Variants in PRKCH observed in about 807,000 individuals in gnomAD.
PRKCH encodes protein kinase C eta.
A neutral mutation model predicts 82.5 loss-of-function variants in PRKCH; 28 were observed. The ratio of observed to expected loss-of-function variants is 0.34; its 90% CI spans 0.25 to 0.47. The LOEUF is 0.47. PRKCH is among the 20% of genes least tolerant of loss of function. The probability of loss-of-function intolerance (pLI) is 1.00; values close to 1 mark genes in which losing one functional copy is unlikely to be tolerated. For missense variants in PRKCH, 705 were observed against 881.8 expected (o/e 0.80, Z 2.54); for synonymous variants, 322 against 327.4 (o/e 0.98, Z 0.18).
chr14:61,225,900 C>T (rs112113458), intron 1 of PRKCH, among the ~76,000 whole-genome samples: 5,697 of 152,110 alleles, frequency 0.037, 179 homozygotes, highest in African/African-American at 0.08. Flanking sequence ...CACCAACACT[C>T]GGCTAATTTT....
At chr14:61,544,375 C>T (rs1488898685) in intron 12 of PRKCH, 1 of 152,122 alleles carries the variant, frequency 6.6e-6, no homozygotes, top group Non-Finnish European at 1.5e-5. Flanking sequence ...CATTTCCTAG[C>T]GTTTAAATAT....
At chr14:61,367,277 C>G (rs1399251387) in intron 1 of PRKCH, among the ~76,000 whole-genome samples, 9 of 151,952 alleles carry the variant, frequency 5.9e-5, no homozygotes, top group Admixed American at 5.2e-4. Context: ...ATCTAAATGC[C>G]TGACTCAATG....
intron 10 of PRKCH, among the ~76,000 whole-genome samples, chr14:61,501,732 T>A (rs1468320965): frequency 6.6e-6 from 1 of 152,192 alleles, no homozygotes; most frequent in East Asian, 1.9e-4. Flanking sequence ...AGTGTCACTT[T>A]AATTTAATTT....
At chr14:61,400,550 G>GT (rs1045234167) in intron 2 of PRKCH, among the ~76,000 whole-genome samples, 1 of 152,104 alleles carries the variant, frequency 6.6e-6, no homozygotes, top group Non-Finnish European at 1.5e-5. Flanking sequence ...GGCGAATGAT[G>GT]TTTTTAAAGG....
intron 10 of PRKCH, among the ~76,000 whole-genome samples, chr14:61,515,648 C>T (rs144344782): frequency 4.6e-5 from 7 of 152,290 alleles, no homozygotes; most frequent in Admixed American, 2.6e-4. Context: ...GACCATGTCA[C>T]TGTATGACCC....
At chr14:61,399,924 AC>A (rs1373975264) in intron 2 of PRKCH, among the ~76,000 whole-genome samples, 1 of 152,150 alleles carries the variant, frequency 6.6e-6, no homozygotes, top group East Asian at 1.9e-4. Flanking sequence ...TTCTGCTAAA[AC>A]CTTGAATTGT....
intron 2 of PRKCH, among the ~76,000 whole-genome samples, chr14:61,430,640 G>A (rs1268354815): frequency 1.3e-5 from 2 of 152,190 alleles, no homozygotes; most frequent in African/African-American, 2.4e-5. Flanking sequence ...GCAACCATCA[G>A]GTGATGGTCA....
At chr14:61,277,009 C>A (rs1362559258) in intron 1 of PRKCH, among the ~76,000 whole-genome samples, 1 of 151,960 alleles carries the variant, frequency 6.6e-6, no homozygotes, top group Non-Finnish European at 1.5e-5. Flanking sequence ...CTTGGTGAAA[C>A]CCCATCTCTA....
chr14:61,402,838 C>CT (rs1258724574), intron 2 of PRKCH, among the ~76,000 whole-genome samples: 33 of 142,838 alleles, frequency 2.3e-4, no homozygotes, highest in Admixed American at 1.4e-3. Flanking sequence ...ATCTAGCTGT[C>CT]TTTTTTTTTA....
intron 8 of PRKCH, 57 bp from the exon 9 acceptor site, chr14:61,457,449 A>G (rs1467877886): frequency 3.1e-6 from 5 of 1,596,358 alleles, no homozygotes; most frequent in Admixed American, 3.4e-5. Flanking sequence ...TTGTGTGCAC[A>G]CACCCTAAGA....
At chr14:61,261,074 C>T (rs376452030) in intron 1 of PRKCH, among the ~76,000 whole-genome samples, 3 of 152,086 alleles carry the variant, frequency 2.0e-5, no homozygotes, top group Non-Finnish European at 2.9e-5. Flanking sequence ...CTAGAGTAAT[C>T]GGTTCCAAAA....
intron 1 of PRKCH, among the ~76,000 whole-genome samples, chr14:61,242,883 T>C (rs898992623): frequency 6.6e-6 from 1 of 152,224 alleles, no homozygotes; most frequent in African/African-American, 2.4e-5. Flanking sequence ...AATTTAACAA[T>C]TAGACATTAG....
intron 2 of PRKCH, among the ~76,000 whole-genome samples, chr14:61,394,373 CCTAGCCTAG>C (rs1250739087): frequency 6.6e-6 from 1 of 152,032 alleles, no homozygotes; most frequent in African/African-American, 2.4e-5. Flanking sequence ...TGAGTCTGTT[CCTAGCCTAG>C]TCAAATAAAA....
chr14:61,446,501 G>A (rs1884232442), intron 4 of PRKCH, among the ~76,000 whole-genome samples: 1 of 152,216 alleles, frequency 6.6e-6, no homozygotes, highest in Non-Finnish European at 1.5e-5. Context: ...TAGCCTATGT[G>A]TGGATAAGAA....
In PRKCH at chr14:61,243,835, G is replaced by A. The variant is rs532351832; in HGVS notation, c.-19+56167G>A. On this transcript the variant is annotated intron_variant, in intron 1 of 3. Transcript: ENST00000555185. The stretch of plus-strand genomic sequence containing the variant: ...TAAAACATTAGCTTCCTCTGGCCAG[G>A]CACAGTGGCTCATGCCTATAATCCC... 2.7e-4 allele frequency among the ~76,000 whole-genome samples: 41 copies of A among 151,996 alleles called. 1 individual carries two copies. Among genetic ancestry groups the A allele is most frequent in the African/African-American group, 9.7e-4 (40 of 41,442 alleles).
intron 10 of PRKCH, among the ~76,000 whole-genome samples, chr14:61,523,915 G>A (rs2253026): frequency 0.53 from 80,874 of 152,212 alleles, 26,002 homozygotes; most frequent in Non-Finnish European, 0.7. Flanking sequence ...GGAGGGAGTC[G>A]ATGTAGCGAG....
chr14:61,403,412 G>A (rs529698186), intron 2 of PRKCH, among the ~76,000 whole-genome samples: 24 of 152,318 alleles, frequency 1.6e-4, no homozygotes, highest in African/African-American at 4.1e-4. Flanking sequence ...ACAGTTAGGT[G>A]ATACAGGTGA....
intron 1 of PRKCH, among the ~76,000 whole-genome samples, chr14:61,307,867 C>T (rs1339603510): frequency 3.9e-5 from 6 of 152,208 alleles, no homozygotes; most frequent in South Asian, 2.1e-4. Context: ...GACAGGGTCT[C>T]GCTCTGTCAC....
chr14:61,500,171 G>A (rs980513561), intron 10 of PRKCH, among the ~76,000 whole-genome samples: 3 of 151,504 alleles, frequency 2.0e-5, no homozygotes, highest in African/African-American at 7.3e-5. Context: ...ACTGAGTTAT[G>A]TTATTATAGC....
Sources: gnomAD v4.1 joint callset for allele counts (sites outside exome capture counted in the v4.1 genomes callset) on GRCh38, gnomAD v4.1.1 for gene constraint, MANE v1.5 for transcripts, NCBI Gene and HGNC (gene_info 2026-07-23, HGNC 2026-07-21) for gene names.